CPZ: variants seen among roughly 807,000 people sequenced by gnomAD.
CPZ encodes the protein VEZT/CPZ fusion.
CPZ carries 103 observed loss-of-function variants against 61.8 expected under a neutral mutation model. The observed-to-expected ratio is 1.67, with a 90% CI of 1.42 to 1.96. CPZ has a LOEUF of 1.96. CPZ is among the 30% of genes most tolerant of loss of function. The pLI is 0.00. For missense variants in CPZ, 1,461 were observed against 914.9 expected (o/e 1.60, Z -7.70); for synonymous variants, 551 against 373.7 (o/e 1.47, Z -5.47).
rs1377412028 is a variant in CPZ, at chr4:8,606,083, G to A, written c.804G>A (p.Glu268=). 2.5e-6 allele frequency: 4 copies of A among 1,614,226 alleles called. No individual in the cohort carries two copies. Among genetic ancestry groups the A allele is most frequent in the South Asian group, 1.1e-5 (1 of 91,084 alleles). Residue 268 remains glutamate (E), a synonymous_variant, in exon 5 of 11, where the codon GAG becomes GAA. Transcript: ENST00000360986. ...LIYLAQYLCS[E]YLLGNPRIQR... is the part of the protein sequence containing the mutation. ...ACCTAGCCCAGTACCTGTGCTCTGA[G>A]TACCTGCTTGGTAACCCCCGCATCC...
intron 9 of CPZ, among the ~76,000 whole-genome samples, chr4:8,616,411 A>AG (rs1716167715): frequency 6.6e-6 from 1 of 152,112 alleles, no homozygotes; most frequent in South Asian, 2.1e-4. Flanking sequence ...GCTGATGCTG[A>AG]GGGCCTCCTG....
chr4:8,618,316 G>T, intron 9 of CPZ, 113 bp from the exon 10 acceptor site: 1 of 912,294 alleles, frequency 1.1e-6, no homozygotes, highest in Non-Finnish European at 1.7e-6. Context: ...GCTCTGTGGG[G>T]TAGTTCCCCC....
Position 8,614,405 on chromosome 4 carries a change from G to C in CPZ, c.1410G>C (p.Thr470=), listed in dbSNP as rs376761004. 6.2e-7 allele frequency: 1 copy of C among 1,614,016 alleles called. No homozygotes were observed. Among genetic ancestry groups the C allele is most frequent in the Non-Finnish European group, 8.5e-7 (1 of 1,179,954 alleles). ...TGCACACCAACTGCTTTGAGATCACGGTAGAGCTGGGCTGTGTGAAGTTCC... is the reference window on the plus strand; with the variant it reads ...TGCACACCAACTGCTTTGAGATCACCGTAGAGCTGGGCTGTGTGAAGTTCC... ...NYLHTNCFEI[T]VELGCVKFPP... is the part of the protein sequence containing the mutation. Residue 470 remains threonine (T), a synonymous_variant, in exon 9 of 11, where the codon ACG becomes ACC. Transcript: ENST00000360986.
chr4:8,608,372 C>T (rs1157061919), intron 7 of CPZ, among the ~76,000 whole-genome samples: 1 of 152,166 alleles, frequency 6.6e-6, no homozygotes. Flanking sequence ...CCTGGGTGGG[C>T]AAGTGCCAGG....
At chr4:8,613,587 G>A (rs1286127069) in intron 8 of CPZ, among the ~76,000 whole-genome samples, 2 of 152,358 alleles carry the variant, frequency 1.3e-5, no homozygotes, top group Admixed American at 6.5e-5. Context: ...TTGAACTTCA[G>A]AAGGGCGTGG....
At position 8,611,029 on chromosome 4, in the gene CPZ, CACTCTT is replaced by C. The variant is rs1485398853; in HGVS notation, c.1228-997_1228-992del. On this transcript the variant is annotated intron_variant, in intron 7 of 10. Coordinates refer to ENST00000360986, the MANE Select transcript of CPZ (RefSeq NM_001014447.3). ...TCACTCACTCATTCACTCATTCCCTCACTCTTTCACTTGCTCACGCATTCGCTCACT... is the reference window on the plus strand; with the variant it reads ...TCACTCACTCATTCACTCATTCCCTCTCACTTGCTCACGCATTCGCTCACT... 1.3e-3 allele frequency: 465 copies of C among 363,290 alleles called. 4 individuals are homozygous for C. The highest frequency in any genetic ancestry group is 9.2e-3 in the African/African-American group (436 of 47,314). 22.5% of individuals were successfully genotyped at this position (363,290 alleles called of 1,614,324 possible). A position where few individuals can be genotyped will look rare whatever the true frequency, so the allele number is the denominator to read the frequency against.
intron 8 of CPZ, among the ~76,000 whole-genome samples, chr4:8,612,752 T>C (rs1715822867): frequency 1.3e-5 from 2 of 152,172 alleles, no homozygotes; most frequent in South Asian, 2.1e-4. Flanking sequence ...GCACACATGC[T>C]CTGGGCCCTG....
rs1231763697 is a variant in CPZ, at chr4:8,605,977, A to G, written c.710-12A>G. The G allele has an allele frequency of 9.3e-6, 15 of 1,609,718 alleles. No individual in the cohort carries two copies. Among genetic ancestry groups the G allele is most frequent in the Non-Finnish European group, 1.3e-5 (15 of 1,176,346 alleles). On this transcript the variant is annotated splice_polypyrimidine_tract_variant and intron_variant, in intron 4 of 10. Coordinates refer to ENST00000360986, the MANE Select transcript of CPZ (RefSeq NM_001014447.3). ...TTGAGATGATGCCCCAAGTCTCTGT[A>G]TTTGCCCCCAGTGGAGCCCGAGGTG... is the stretch of plus-strand genomic sequence containing the variant.
At chr4:8,599,772 C>A in intron 2 of CPZ, 1 of 551,564 alleles carries the variant, frequency 1.8e-6, no homozygotes, top group South Asian at 2.5e-5. Flanking sequence ...AGTCACACGT[C>A]CTGCATTTGG....
rs750245366 is a variant in CPZ at position 8,606,837 on chromosome 4, C to T, written c.1007C>T (p.Ala336Val). 8.7e-6 allele frequency: 14 copies of T among 1,613,176 alleles called. 1 individual carries two copies. Among genetic ancestry groups the T allele is most frequent in the Admixed American group, 3.3e-5 (2 of 60,008 alleles). ...PDLTSEYYRL[A>V]ETRGARSDHI... ...CTGACGTCCGAGTACTACCGGCTGG[C>T]GGAGACCCGCGGCGCACGCAGCGAC... is the stretch of plus-strand genomic sequence containing the variant. Residue 336 changes from alanine to valine, a missense_variant, in exon 6 of 11, where the codon GCG (alanine) becomes GTG (valine). Coordinates refer to ENST00000360986, the MANE Select transcript of CPZ (RefSeq NM_001014447.3).
intron 3 of CPZ, 79 bp downstream of exon 3, chr4:8,601,576 C>T (rs1714579769): frequency 7.3e-7 from 1 of 1,362,074 alleles, no homozygotes; most frequent in Non-Finnish European, 9.6e-7. Context: ...CTGGAAGGAA[C>T]TTGAGGGCTT....
At chr4:8,615,687 C>A (rs932442994) in intron 9 of CPZ, among the ~76,000 whole-genome samples, 1 of 152,142 alleles carries the variant, frequency 6.6e-6, no homozygotes, top group South Asian at 2.1e-4. Flanking sequence ...CCAATGTCTG[C>A]GAGCCAGCCA....
chr4:8,612,404 A>G (rs1715789703), intron 8 of CPZ, among the ~76,000 whole-genome samples: 2 of 152,152 alleles, frequency 1.3e-5, no homozygotes, highest in Non-Finnish European at 2.9e-5. Flanking sequence ...TATTTCATGA[A>G]CACTCAAATG....
intron 9 of CPZ, 75 bp from the exon 10 acceptor site, chr4:8,618,354 G>A (rs151224820): frequency 3.5e-6 from 5 of 1,415,686 alleles, no homozygotes; most frequent in South Asian, 1.2e-5. Flanking sequence ...GGAGCATGTG[G>A]GGAACGAGCT....
intron 1 of CPZ, among the ~76,000 whole-genome samples, chr4:8,596,125 C>G (rs914023231): frequency 1.3e-5 from 2 of 152,078 alleles, no homozygotes; most frequent in African/African-American, 4.8e-5. Flanking sequence ...GATCTTGGCT[C>G]ACTGCAACCT....
At chr4:8,611,413 C>T in intron 7 of CPZ, 1 of 413,858 alleles carries the variant, frequency 2.4e-6, no homozygotes, top group South Asian at 1.7e-5. Context: ...GCCACACATC[C>T]AAACATGTCA....
chr4:8,596,763 C>A (rs1714213161), intron 1 of CPZ, among the ~76,000 whole-genome samples: 2 of 152,174 alleles, frequency 1.3e-5, no homozygotes, highest in Admixed American at 1.3e-4. Context: ...CCACAGGAAG[C>A]CAGGAAGGAT....
chr4:8,614,689 C>A (rs1471612693), intron 9 of CPZ, among the ~76,000 whole-genome samples, 191 bp downstream of exon 9: 1 of 152,218 alleles, frequency 6.6e-6, no homozygotes, highest in African/African-American at 2.4e-5. Flanking sequence ...CCTTTGCGTG[C>A]TCTGTGGGTG....
chr4:8,604,956 C>T (rs947702493), intron 4 of CPZ, among the ~76,000 whole-genome samples: 1 of 152,256 alleles, frequency 6.6e-6, no homozygotes, highest in African/African-American at 2.4e-5. Flanking sequence ...CACCTGGCCA[C>T]ACCCTGGCCC....
Sources: allele counts gnomAD v4.1 joint callset (sites outside exome capture counted in the v4.1 genomes callset), GRCh38; gene constraint gnomAD v4.1.1; transcripts MANE v1.5; gene names NCBI Gene and HGNC (gene_info 2026-07-23, HGNC 2026-07-21).